TMEM214: variants seen among roughly 807,000 people sequenced by gnomAD.
TMEM214 encodes transmembrane protein 214.
In TMEM214, 71 loss-of-function variants were observed where a neutral mutation model predicts 89.8. That is an observed-to-expected ratio of 0.79 (90% CI 0.65 to 0.96). The LOEUF (loss-of-function observed/expected upper bound fraction) is 0.96. Ranked by LOEUF, TMEM214 falls within the 40% of genes least tolerant of loss-of-function variation. The probability of loss-of-function intolerance (pLI) is 0.00; values close to 1 mark genes in which losing one functional copy is unlikely to be tolerated. For missense variants in TMEM214, 754 were observed against 843.4 expected (o/e 0.89, Z 1.31); for synonymous variants, 332 against 349.5 (o/e 0.95, Z 0.56).
intron 5 of TMEM214, 129 bp from the exon 6 acceptor site, chr2:27,036,358 C>T (rs1308430215): frequency 4.9e-6 from 4 of 820,034 alleles, no homozygotes; most frequent in African/African-American, 1.7e-5. Flanking sequence ...CACCACGTGG[C>T]CATAGTGCTC....
chr2:27,037,952 A>G (rs965290608), intron 9 of TMEM214, 194 bp from the exon 10 acceptor site: 2 of 1,550,310 alleles, frequency 1.3e-6, no homozygotes, highest in Non-Finnish European at 1.7e-6. Context: ...TCAAAGCTCT[A>G]GCTCAGGAGC....
At chr2:27,036,405 C>T (rs1183357248) in intron 5 of TMEM214, 82 bp from the exon 6 acceptor site, 9 of 1,166,010 alleles carry the variant, frequency 7.7e-6, no homozygotes, top group Non-Finnish European at 1.2e-5. Flanking sequence ...TTCCAGTTGA[C>T]ATCTCCCTTC....
rs1016728113 is a variant in TMEM214 at position 27,038,284 on chromosome 2, G to T, written c.1244+47G>T. On this transcript the variant is annotated intron_variant, in intron 10 of 16. Transcript: ENST00000238788. This position sits in a 1 kb window ranked among gnomAD's most constrained non-coding sequence, Gnocchi z 4.4. ...CCTGTCCCTGTGCTAGAAGCAGAAGGGGAGCCTGGGTCACTGTCCCATGGC... is the reference window on the plus strand; with the variant it reads ...CCTGTCCCTGTGCTAGAAGCAGAAGTGGAGCCTGGGTCACTGTCCCATGGC... 1 of 1,600,146 alleles carries T rather than the reference G, an allele frequency of 6.2e-7. No homozygotes were observed. Among genetic ancestry groups the T allele is most frequent in the African/African-American group, 1.3e-5 (1 of 74,624 alleles).
chr2:27,040,722 C>A lies in TMEM214; in HGVS notation c.1955C>A (p.Thr652Asn), dbSNP rs374421914. 12 of 1,613,934 alleles carry A rather than the reference C, an allele frequency of 7.4e-6. No homozygotes were observed. The African/African-American group carries it at 1.6e-4, about 22-fold the overall frequency. ...HCHEACRGEV[T>N]WDCMKTQLSE... is the part of the protein sequence containing the mutation. Reference sequence around the variant, plus strand: ...CACTTTCCTTCCAGAGGTGAGGTGACCTGGGACTGCATGAAGACACAGCTC... The same window carrying A: ...CACTTTCCTTCCAGAGGTGAGGTGAACTGGGACTGCATGAAGACACAGCTC... Residue 652 changes from threonine to asparagine, a missense_variant, in exon 17 of 17, where the codon ACC (threonine) becomes AAC (asparagine). By Grantham distance (65) the Thr-to-Asn change is moderately conservative. Coordinates refer to ENST00000238788, the MANE Select transcript of TMEM214 (RefSeq NM_017727.5).
Position 27,040,726 on chromosome 2 carries a change from G to A in TMEM214, c.1959G>A (p.Trp653Ter). ...TTCCTTCCAGAGGTGAGGTGACCTG[G>A]GACTGCATGAAGACACAGCTCAGTG... ...CHEACRGEVT[W>*]DCMKTQLSEA... The change falls in exon 17 of 17, where the codon TGG becomes TGA. Residue 653 changes from tryptophan (W) to a stop codon, truncating the protein, a stop_gained. Transcript: ENST00000238788. LOFTEE classifies it high-confidence loss of function. The A allele has an allele frequency of 6.2e-7, 1 of 1,614,002 alleles. No individual in the cohort carries two copies. Among genetic ancestry groups the A allele is most frequent in the Non-Finnish European group, 8.5e-7 (1 of 1,180,004 alleles).
chr2:27,033,079 G>A lies in TMEM214; in HGVS notation c.64G>A (p.Val22Ile). ...AGTGAAGAAGGGTCGGCGGCCTGGG[G>A]TCGGCGCCGGCGCCGGCGGCCGAGG... Reference protein sequence around the residue: ...EVVKKGRRPGVGAGAGGRGGG... With the variant: ...EVVKKGRRPGIGAGAGGRGGG... The change falls in exon 1 of 17, where the codon GTC (valine) becomes ATC (isoleucine). Residue 22 changes from valine (V) to isoleucine (I), a missense_variant. Transcript: ENST00000238788. The A allele has an allele frequency of 8.0e-7, 1 of 1,247,834 alleles. No individual in the cohort carries two copies. 77.3% of individuals were successfully genotyped at this position (1,247,834 alleles called of 1,614,324 possible).
At chr2:27,033,861 G>C (rs1667437272) in intron 1 of TMEM214, among the ~76,000 whole-genome samples, 2 of 152,032 alleles carry the variant, frequency 1.3e-5, no homozygotes, top group Admixed American at 1.3e-4. Flanking sequence ...CTTTATGAAA[G>C]AGCCCATAGA....
intron 4 of TMEM214, 71 bp downstream of exon 4, chr2:27,035,799 A>C (rs1667536359): frequency 1.2e-6 from 2 of 1,606,778 alleles, no homozygotes; most frequent in Admixed American, 3.4e-5. Flanking sequence ...AGTACCACTC[A>C]GTGGTTCTGT....
rs1667603680 is a variant in TMEM214 at position 27,037,170 on chromosome 2, G to T, written c.1002G>T (p.Leu334=). The T allele has an allele frequency of 1.2e-6, 2 of 1,613,594 alleles. No individual in the cohort carries two copies. The highest frequency in any genetic ancestry group is 1.7e-6 in the Non-Finnish European group (2 of 1,179,626). Residue 334 remains leucine (L), a synonymous_variant, in exon 8 of 17, where the codon CTG becomes CTT. Coordinates refer to ENST00000238788, the MANE Select transcript of TMEM214 (RefSeq NM_017727.5). ...TTGCCTATATGCCGAACAACTCCCT[G>T]ACACCCAGGTAGGACTGCTCTGGGG... ...LDFAYMPNNS[L]TPSLQEQLCQ...
At position 27,033,024 on chromosome 2, in the gene TMEM214, C is replaced by A; in HGVS notation, c.9C>A (p.Thr3=). Residue 3 remains threonine, a synonymous_variant, in exon 1 of 17, where the codon ACC becomes ACA. Transcript: ENST00000238788. MA[T]KTAGVGRWEV... Reference sequence around the variant, plus strand: ...AGGGAGGGCTGCGAGCCATGGCGACCAAGACGGCGGGCGTGGGGCGGTGGG... The same window carrying A: ...AGGGAGGGCTGCGAGCCATGGCGACAAAGACGGCGGGCGTGGGGCGGTGGG... 8.0e-7 allele frequency: 1 copy of A among 1,247,020 alleles called. No homozygotes were observed. Among genetic ancestry groups the A allele is most frequent in the Non-Finnish European group, 1.0e-6 (1 of 987,948 alleles). 77.2% of individuals were successfully genotyped at this position (1,247,020 alleles called of 1,614,324 possible).
Position 27,038,694 on chromosome 2 carries a change from G to A in TMEM214, c.1294-8G>A. The A allele has an allele frequency of 6.2e-7, 1 of 1,613,648 alleles. No individual in the cohort carries two copies. The highest frequency in any genetic ancestry group is 8.5e-7 in the Non-Finnish European group (1 of 1,179,704). Reference sequence around the variant, plus strand: ...TTCCCTCACAGGCCAGACCTTTCTTGTCCATAGGTACAGAAGTCTTTGCAA... The same window carrying A: ...TTCCCTCACAGGCCAGACCTTTCTTATCCATAGGTACAGAAGTCTTTGCAA... On this transcript the variant is annotated splice_polypyrimidine_tract_variant and splice_region_variant and intron_variant, in intron 11 of 16. Coordinates refer to ENST00000238788, the MANE Select transcript of TMEM214 (RefSeq NM_017727.5). The surrounding 1 kb of genome is among the most constrained non-coding windows in gnomAD (Gnocchi z 4.4).
In TMEM214 at chr2:27,038,243, T is replaced by G. The variant is rs1572792497; in HGVS notation, c.1244+6T>G. On this transcript the variant is annotated splice_donor_region_variant and intron_variant, in intron 10 of 16. Transcript: ENST00000238788. The surrounding 1 kb of genome is among the most constrained non-coding windows in gnomAD (Gnocchi z 4.4). ...AAGCACCTGTCACAGTCCAGGCAGGTGGGGTGGGAGGCCAGCCTGTCCCTG... is the reference window on the plus strand; with the variant it reads ...AAGCACCTGTCACAGTCCAGGCAGGGGGGGTGGGAGGCCAGCCTGTCCCTG... 20 of 1,612,204 alleles carry G rather than the reference T, an allele frequency of 1.2e-5. No individual in the cohort carries two copies. The highest frequency in any genetic ancestry group is 1.5e-5 in the Non-Finnish European group (18 of 1,178,660).
At position 27,037,474 on chromosome 2, in the gene TMEM214, A is replaced by T; in HGVS notation, c.1011-87A>T. 3 of 1,525,690 alleles carry T rather than the reference A, an allele frequency of 2.0e-6. No homozygotes were observed. The East Asian group carries it at 6.8e-5, about 34-fold the overall frequency. 94.5% of individuals were successfully genotyped at this position (1,525,690 alleles called of 1,614,324 possible). The stretch of plus-strand genomic sequence containing the variant: ...TCCTCAGTGGCTATTCCCCACAGGC[A>T]GGCATGGGCTCTGAAGCAAGCAAAA... On this transcript the variant is annotated intron_variant, in intron 8 of 16. Coordinates refer to ENST00000238788, the MANE Select transcript of TMEM214 (RefSeq NM_017727.5).
chr2:27,035,778 T>C (rs778770796), intron 4 of TMEM214, 50 bp downstream of exon 4: 1 of 1,612,944 alleles, frequency 6.2e-7, no homozygotes, highest in Non-Finnish European at 8.5e-7. Flanking sequence ...CCTCCTTTTT[T>C]TCCTGCTTCC....
chr2:27,034,231 G>C lies in TMEM214; in HGVS notation c.316G>C (p.Gly106Arg), dbSNP rs1307844159. The C allele has an allele frequency of 6.2e-7, 1 of 1,613,962 alleles. No individual in the cohort carries two copies. The highest frequency in any genetic ancestry group is 8.5e-7 in the Non-Finnish European group (1 of 1,180,052). Reference sequence around the variant, plus strand: ...TCCTCCCAACCAAAACCAGAAGCAGGGCCGCTTCCGCAGCCTGGAGGAAGC... The same window carrying C: ...TCCTCCCAACCAAAACCAGAAGCAGCGCCGCTTCCGCAGCCTGGAGGAAGC... ...ATPPNQNQKQ[G>R]RFRSLEEALK... is the part of the protein sequence containing the mutation. The change falls in exon 2 of 17, where the codon GGC (glycine) becomes CGC (arginine). Residue 106 changes from glycine to arginine, a missense_variant. Coordinates refer to ENST00000238788, the MANE Select transcript of TMEM214 (RefSeq NM_017727.5).
Position 27,039,837 on chromosome 2 carries a change from G to T in TMEM214, c.1622G>T (p.Ser541Ile). Residue 541 changes from serine to isoleucine, a missense_variant and splice_region_variant, in exon 14 of 17, where the codon AGC (serine) becomes ATC (isoleucine). By Grantham distance (142) the Ser-to-Ile change is moderately radical. Transcript: ENST00000238788. ...KLYSYSLQGY[S>I]WLGETLPLWG... ...TACTCCTACAGTCTGCAAGGCTACA[G>T]GTGAGCTCCTCCCAGGGAGGGGAGA... 1 of 1,614,202 alleles carries T rather than the reference G, an allele frequency of 6.2e-7. No individual in the cohort carries two copies. Among genetic ancestry groups the T allele is most frequent in the Non-Finnish European group, 8.5e-7 (1 of 1,180,018 alleles).
rs1371384905 is a variant in TMEM214, at chr2:27,034,074, C to T, written c.159C>T (p.Ile53=). 6.2e-7 allele frequency: 1 copy of T among 1,614,116 alleles called. No homozygotes were observed. Among genetic ancestry groups the T allele is most frequent in the East Asian group, 2.2e-5 (1 of 44,872 alleles). ...TACCTATCTTCACCCCAGCTGCAATCCAGACCACAAGCACCCTTTATGAGC... is the reference window on the plus strand; with the variant it reads ...TACCTATCTTCACCCCAGCTGCAATTCAGACCACAAGCACCCTTTATGAGC... ...GVWKYDLTPA[I]QTTSTLYERG... Residue 53 remains isoleucine (I), a synonymous_variant, in exon 2 of 17, where the codon ATC becomes ATT. Coordinates refer to ENST00000238788, the MANE Select transcript of TMEM214 (RefSeq NM_017727.5).
Position 27,037,616 on chromosome 2 carries a change from G to A in TMEM214, c.1066G>A (p.Ala356Thr), listed in dbSNP as rs1182754203. The change falls in exon 9 of 17, where the codon GCA becomes ACA. Residue 356 changes from alanine to threonine, a missense_variant. Physicochemically the swap from Ala to Thr is moderately conservative, Grantham distance 58. Coordinates refer to ENST00000238788, the MANE Select transcript of TMEM214 (RefSeq NM_017727.5). ...CCGACTGAAAGTGCTGGCATTTGGA[G>A]CAAAGCCGGATTCCACCCTGCATAC... ...YPRLKVLAFG[A>T]KPDSTLHTYF... 1 of 1,614,062 alleles carries A rather than the reference G, an allele frequency of 6.2e-7. No individual in the cohort carries two copies. The highest frequency in any genetic ancestry group is 2.2e-5 in the East Asian group (1 of 44,896).
At chr2:27,036,433 G>A in intron 5 of TMEM214, 54 bp from the exon 6 acceptor site, 1 of 1,428,688 alleles carries the variant, frequency 7.0e-7, no homozygotes. Flanking sequence ...GCTTTGGGGG[G>A]TGCTCCTGGT....
Sources: gnomAD v4.1 joint callset for allele counts (sites outside exome capture counted in the v4.1 genomes callset) on GRCh38, gnomAD v4.1.1 for gene constraint, Gnocchi (gnomAD v3.1) non-coding constraint, MANE v1.5 for transcripts, NCBI Gene and HGNC (gene_info 2026-07-23, HGNC 2026-07-21) for gene names.